The following CYFIP2 variants were observed in gnomAD, a reference collection of about 807,000 sequenced individuals.
CYFIP2 encodes the protein cytoplasmic FMR1 interacting protein 2, also known as cytoplasmic FMR1-interacting protein 2.
In CYFIP2, 29 loss-of-function variants were observed where a neutral mutation model predicts 158.7. The observed-to-expected ratio is 0.18, with a 90% CI of 0.14 to 0.25. CYFIP2 has a LOEUF of 0.25. Among genes scored for constraint, CYFIP2 ranks in the 10% least tolerant of loss-of-function variants. The pLI, the probability that CYFIP2 is intolerant of heterozygous loss-of-function variation, is 1.00. For synonymous variants in CYFIP2, 585 were observed against 617.6 expected (o/e 0.95, Z 0.78); for missense variants, 852 against 1,639.5 (o/e 0.52, Z 8.29).
chr5:157,299,238 C>G (rs1386186354), intron 5 of CYFIP2, among the ~76,000 whole-genome samples: 1 of 152,146 alleles, frequency 6.6e-6, no homozygotes, highest in Non-Finnish European at 1.5e-5. Context: ...CCTCCCATGT[C>G]TCCCCAGCTC....
Position 157,266,907 on chromosome 5 carries a change from G to C in CYFIP2, c.-24+712G>C, listed in dbSNP as rs537538290. 1.3e-5 allele frequency: 2 copies of C among 152,524 alleles called. No homozygotes were observed. The highest frequency in any genetic ancestry group is 2.9e-5 in the Non-Finnish European group (2 of 68,248). The allele number at this position is 152,524 out of a possible 1,614,324, so 9.4% of individuals were successfully genotyped here. On this transcript the variant is annotated intron_variant, in intron 1 of 30. Coordinates refer to ENST00000620254, the MANE Select transcript of CYFIP2 (RefSeq NM_001037333.3). The surrounding 1 kb of genome is among the most constrained non-coding windows in gnomAD (Gnocchi z 4.2). Reference sequence around the variant, plus strand: ...TTTTTTCTTGAGCTCTGAAGAACCAGGAAGATGCTTGCCTGTCTGTTGTGG... The same window carrying C: ...TTTTTTCTTGAGCTCTGAAGAACCACGAAGATGCTTGCCTGTCTGTTGTGG...
Position 157,311,050 on chromosome 5 carries a change from G to A in CYFIP2, c.993-614G>A. 1 of 455,342 alleles carries A rather than the reference G, an allele frequency of 2.2e-6. No individual in the cohort carries two copies. Among genetic ancestry groups the A allele is most frequent in the Non-Finnish European group, 4.4e-6 (1 of 226,692 alleles). 28.2% of individuals were successfully genotyped at this position (455,342 alleles called of 1,614,324 possible). Reference sequence around the variant, plus strand: ...TCACAAGGCGTGGAAAAAAGGCGGAGGGAAGGAGGAAAGAGGGTGGAAAGA... The same window carrying A: ...TCACAAGGCGTGGAAAAAAGGCGGAAGGAAGGAGGAAAGAGGGTGGAAAGA... On this transcript the variant is annotated intron_variant, in intron 10 of 30. Transcript: ENST00000620254. This position sits in a 1 kb window ranked among gnomAD's most constrained non-coding sequence, Gnocchi z 4.7.
intron 2 of CYFIP2, among the ~76,000 whole-genome samples, 171 bp downstream of exon 2, chr5:157,285,649 A>C (rs778978138): frequency 3.9e-4 from 59 of 152,328 alleles, no homozygotes; most frequent in Middle Eastern, 6.8e-3. Flanking sequence ...CAGATTAGCT[A>C]CTAAATGTGC....
At position 157,361,472 on chromosome 5, in the gene CYFIP2, C is replaced by T. The variant is rs1383446829; in HGVS notation, c.2913C>T (p.Ile971=). 6.2e-7 allele frequency: 1 copy of T among 1,613,988 alleles called. No individual in the cohort carries two copies. Among genetic ancestry groups the T allele is most frequent in the Non-Finnish European group, 8.5e-7 (1 of 1,179,970 alleles). ...LPRHEYGSPG[I]LEFFHHQLKD... is the part of the protein sequence containing the mutation. ...CCACCCCGATTCACCTCCCAGGGAT[C>T]CTGGAGTTCTTCCACCACCAGCTGA... The change falls in exon 26 of 31, where the codon ATC becomes ATT. Residue 971 remains isoleucine (I), a synonymous_variant. Coordinates refer to ENST00000620254, the MANE Select transcript of CYFIP2 (RefSeq NM_001037333.3). The surrounding 1 kb of genome is among the most constrained non-coding windows in gnomAD (Gnocchi z 4.4).
intron 30 of CYFIP2, among the ~76,000 whole-genome samples, chr5:157,391,867 G>A (rs1767328159): frequency 6.6e-6 from 1 of 152,148 alleles, no homozygotes; most frequent in African/African-American, 2.4e-5. Flanking sequence ...TTCCATAGTG[G>A]CTGCACAATT....
chr5:157,303,183 C>G, intron 7 of CYFIP2: 1 of 313,646 alleles, frequency 3.2e-6, no homozygotes, highest in South Asian at 5.6e-5. Context: ...GTTTTGTAAT[C>G]CTAGACCACC....
chr5:157,342,482 A>G lies in CYFIP2; in HGVS notation c.2673+1325A>G, dbSNP rs534078084. 48 of 169,878 alleles carry G rather than the reference A, an allele frequency of 2.8e-4. 1 individual carries two copies. The Admixed American group carries it at 2.9e-3, about 10-fold the overall frequency. 10.5% of individuals were successfully genotyped at this position (169,878 alleles called of 1,614,324 possible). ...GAAACTGGACATCTACCTTTGCCCA[A>G]AAGTGTACCTCTGAGAGCCTACTTG... On this transcript the variant is annotated intron_variant, in intron 23 of 30. Transcript: ENST00000620254.
At chr5:157,360,864 A>G (rs1327165982) in intron 25 of CYFIP2, among the ~76,000 whole-genome samples, 1 of 152,196 alleles carries the variant, frequency 6.6e-6, no homozygotes, top group Non-Finnish European at 1.5e-5. Flanking sequence ...AGAAGAGGGA[A>G]AAATGGGGAC....
At chr5:157,309,883 C>A (rs751027634) in intron 10 of CYFIP2, 49 bp downstream of exon 10, 1 of 1,529,276 alleles carries the variant, frequency 6.5e-7, no homozygotes, top group Non-Finnish European at 8.9e-7. Context: ...ATGCCCAGCC[C>A]GGGCAGAGAG....
chr5:157,297,725 G>A (rs1243766619), intron 5 of CYFIP2, among the ~76,000 whole-genome samples: 1 of 152,194 alleles, frequency 6.6e-6, no homozygotes, highest in Non-Finnish European at 1.5e-5. Flanking sequence ...TTAGCCACAT[G>A]TGGGTACTTA....
Position 157,391,131 on chromosome 5 carries a change from C to T in CYFIP2, c.3594+463C>T, listed in dbSNP as rs1005098540. ...TGTCTGGGCTGACTCCAGAATGGCCCGCAGCAAAGAACCAAGCAGCAAAGG... is the reference window on the plus strand; with the variant it reads ...TGTCTGGGCTGACTCCAGAATGGCCTGCAGCAAAGAACCAAGCAGCAAAGG... On this transcript the variant is annotated intron_variant, in intron 30 of 30. Coordinates refer to ENST00000620254, the MANE Select transcript of CYFIP2 (RefSeq NM_001037333.3). Among the ~76,000 whole-genome samples, 8 of 151,834 alleles carry T rather than the reference C, an allele frequency of 5.3e-5. No homozygotes were observed. In the East Asian group the frequency reaches 1.4e-3, roughly 26 times the overall value.
At chr5:157,383,118 A>C in intron 27 of CYFIP2, 147 bp from the exon 28 acceptor site, 4 of 659,686 alleles carry the variant, frequency 6.1e-6, no homozygotes, top group Non-Finnish European at 1.1e-5. Flanking sequence ...AACTACTCAC[A>C]CTTTCCAGAA....
chr5:157,332,670 G>A (rs866295918), intron 20 of CYFIP2, among the ~76,000 whole-genome samples: 2 of 152,132 alleles, frequency 1.3e-5, no homozygotes, highest in Non-Finnish European at 2.9e-5. Flanking sequence ...AAGAGACAGG[G>A]TCTCTTTCTG....
chr5:157,291,463 T>C (rs1432508557), intron 3 of CYFIP2, among the ~76,000 whole-genome samples: 1 of 152,252 alleles, frequency 6.6e-6, no homozygotes, highest in Non-Finnish European at 1.5e-5. Context: ...TCTTGTTCAC[T>C]GCGCTGTTTG....
At chr5:157,307,720 G>A (rs1759366052) in intron 8 of CYFIP2, 41 bp from the exon 9 acceptor site, 1 of 1,306,442 alleles carries the variant, frequency 7.7e-7, no homozygotes, top group African/African-American at 1.5e-5. Context: ...TTTTCCAGCA[G>A]ATGTGATTAG....
chr5:157,335,055 G>A (rs1212447446), intron 21 of CYFIP2, among the ~76,000 whole-genome samples: 1 of 152,140 alleles, frequency 6.6e-6, no homozygotes, highest in Non-Finnish European at 1.5e-5. Flanking sequence ...ATTTTAAGTG[G>A]ACAAAGTATA....
intron 5 of CYFIP2, among the ~76,000 whole-genome samples, chr5:157,299,464 G>T (rs1206684958): frequency 1.3e-5 from 2 of 152,144 alleles, no homozygotes; most frequent in Non-Finnish European, 2.9e-5. Flanking sequence ...GTCACTTCTT[G>T]AGGATTCCAT....
In CYFIP2 at chr5:157,359,157, A is replaced by G; in HGVS notation, c.2817+9A>G. 1 of 1,613,984 alleles carries G rather than the reference A, an allele frequency of 6.2e-7. No individual in the cohort carries two copies. Among genetic ancestry groups the G allele is most frequent in the East Asian group, 2.2e-5 (1 of 44,882 alleles). ...AGATTGTGAAGAGCTTGGTAAGGAAAGGCCTCAGTGTGGCTTGAGATATGC... is the reference window on the plus strand; with the variant it reads ...AGATTGTGAAGAGCTTGGTAAGGAAGGGCCTCAGTGTGGCTTGAGATATGC... On this transcript the variant is annotated intron_variant, in intron 24 of 30. Coordinates refer to ENST00000620254, the MANE Select transcript of CYFIP2 (RefSeq NM_001037333.3).
intron 3 of CYFIP2, among the ~76,000 whole-genome samples, chr5:157,293,658 T>G (rs1758016308): frequency 6.6e-6 from 1 of 152,212 alleles, no homozygotes; most frequent in South Asian, 2.1e-4. Context: ...CTGAAATTTT[T>G]TTTTCAATAC....
Sources: gnomAD v4.1 joint callset for allele counts (sites outside exome capture counted in the v4.1 genomes callset) on GRCh38, gnomAD v4.1.1 for gene constraint, Gnocchi (gnomAD v3.1) non-coding constraint, MANE v1.5 for transcripts, NCBI Gene and HGNC (gene_info 2026-07-23, HGNC 2026-07-21) for gene names.